The following UIMC1 variants were observed in gnomAD, a reference collection of about 807,000 sequenced individuals.
UIMC1 encodes ubiquitin interaction motif containing 1, also known as BRCA1-A complex subunit RAP80.
A neutral mutation model predicts 84.9 loss-of-function variants in UIMC1; 42 were observed. The ratio of observed to expected loss-of-function variants is 0.49; its 90% CI spans 0.39 to 0.64. The LOEUF (loss-of-function observed/expected upper bound fraction) is 0.64, where lower values mean the gene tolerates loss of function less well. UIMC1 is among the 30% of genes least tolerant of loss of function. The pLI, the probability that UIMC1 is intolerant of heterozygous loss-of-function variation, is 0.00. For synonymous variants in UIMC1, 281 were observed against 293.0 expected (o/e 0.96, Z 0.42); for missense variants, 825 against 847.6 (o/e 0.97, Z 0.33).
intron 5 of UIMC1, 21 bp downstream of exon 5, chr5:176,969,580 A>T: frequency 6.2e-7 from 1 of 1,605,722 alleles, no homozygotes; most frequent in South Asian, 1.1e-5. Flanking sequence ...GAATGGAAGG[A>T]GTCAGAACAG....
rs542762144 is a variant in UIMC1 at position 177,018,641 on chromosome 5, C to A, written c.-9+3823G>T. 2.6e-5 allele frequency among the ~76,000 whole-genome samples: 4 copies of A among 152,288 alleles called. No homozygotes were observed. In the East Asian group the frequency reaches 7.7e-4, roughly 29 times the overall value. On this transcript the variant is annotated intron_variant, in intron 1 of 5. Transcript: ENST00000509236. Reference sequence around the variant, plus strand: ...CCAGCCCAACAAATATAAGGCATCACCTGCACTGCCAGGTCCCAGCAAGGA... The same window carrying A: ...CCAGCCCAACAAATATAAGGCATCAACTGCACTGCCAGGTCCCAGCAAGGA...
chr5:176,923,546 T>C (rs1307980888), intron 10 of UIMC1, among the ~76,000 whole-genome samples: 1 of 141,258 alleles, frequency 7.1e-6, no homozygotes, highest in Non-Finnish European at 1.5e-5. Context: ...TGAGACTGTA[T>C]CAAAAGCAAA....
intron 6 of UIMC1, 35 bp from the exon 7 acceptor site, chr5:176,958,189 G>T (rs780295993): frequency 6.4e-7 from 1 of 1,570,618 alleles, no homozygotes; most frequent in Non-Finnish European, 8.7e-7. Context: ...AAATATACAG[G>T]CACAGGTGAA....
intron 4 of UIMC1, chr5:176,970,534 G>A (rs1769050886): frequency 2.9e-6 from 2 of 687,398 alleles, no homozygotes; most frequent in Non-Finnish European, 4.7e-6. Flanking sequence ...TGGGGTGGAA[G>A]AAAACTCTTT....
chr5:177,005,644 G>A (rs1775145124), intron 1 of UIMC1, among the ~76,000 whole-genome samples: 1 of 152,010 alleles, frequency 6.6e-6, no homozygotes, highest in Non-Finnish European at 1.5e-5. Context: ...GTAAAGGGCT[G>A]AGAGTTGAAG....
In UIMC1 at chr5:176,927,028, C is replaced by T. The variant is rs142797387; in HGVS notation, c.1598-15639G>A. On this transcript the variant is annotated intron_variant, in intron 10 of 14. Coordinates refer to ENST00000511320, the MANE Select transcript of UIMC1 (RefSeq NM_001199298.2). ...GAGTTACTGCATAAGCGCATACTGACTTGCAGAAAATAGTAGTAATAGCAG... is the reference window on the plus strand; with the variant it reads ...GAGTTACTGCATAAGCGCATACTGATTTGCAGAAAATAGTAGTAATAGCAG... Among the ~76,000 whole-genome samples the T allele has an allele frequency of 1.5e-4, 23 of 152,162 alleles. No individual in the cohort carries two copies. In the East Asian group the frequency reaches 4.3e-3, roughly 28 times the overall value.
intron 9 of UIMC1, among the ~76,000 whole-genome samples, chr5:176,950,146 C>T (rs183795291): frequency 0.024 from 3,289 of 135,462 alleles, 164 homozygotes; most frequent in African/African-American, 0.091. Flanking sequence ...TGTTGCCAGG[C>T]TGGAGTGCAG....
At chr5:176,992,418 C>G (rs954306418) in intron 1 of UIMC1, among the ~76,000 whole-genome samples, 1 of 149,318 alleles carries the variant, frequency 6.7e-6, no homozygotes, top group African/African-American at 2.5e-5. Context: ...AGAACTCAAG[C>G]GTTCAAGACG....
Position 177,021,025 on chromosome 5 carries a change from A to G in UIMC1, c.-9+1439T>C, listed in dbSNP as rs527536923. Among the ~76,000 whole-genome samples, 109 of 152,316 alleles carry G rather than the reference A, an allele frequency of 7.2e-4. 1 individual carries two copies. The highest frequency in any genetic ancestry group is 7.9e-4 in the Non-Finnish European group (54 of 68,016). ...CTACGCAAGGTGGCATGTGCCTGTAATCTCAGCATTTTGGGAGCCCGAGGC... is the reference window on the plus strand; with the variant it reads ...CTACGCAAGGTGGCATGTGCCTGTAGTCTCAGCATTTTGGGAGCCCGAGGC... On this transcript the variant is annotated intron_variant, in intron 1 of 5. Transcript: ENST00000509236.
intron 1 of UIMC1, among the ~76,000 whole-genome samples, chr5:176,991,684 G>C (rs1306994473): frequency 6.8e-6 from 1 of 147,982 alleles, no homozygotes; most frequent in Non-Finnish European, 1.5e-5. Context: ...TGTAATCTCA[G>C]CACTTTGAGA....
In UIMC1 at chr5:176,911,321, C is replaced by T; in HGVS notation, c.1666G>A (p.Asp556Asn). 6.3e-7 allele frequency: 1 copy of T among 1,598,278 alleles called. No homozygotes were observed. The highest frequency in any genetic ancestry group is 1.1e-5 in the South Asian group (1 of 87,956). ...AGCATACCTACTTACTTGTCAATGT[C>T]TAGAGAAGTCTGGGCAGCTGTCCCA... ...DSGTAAQTSL[D>N]IDKNEKCYLC... Residue 556 changes from aspartate to asparagine, a missense_variant, in exon 11 of 15, where the codon GAC becomes AAC. Coordinates refer to ENST00000511320, the MANE Select transcript of UIMC1 (RefSeq NM_001199298.2).
intron 9 of UIMC1, among the ~76,000 whole-genome samples, chr5:176,948,260 C>T (rs574370809): frequency 9.2e-5 from 14 of 152,212 alleles, no homozygotes; most frequent in Non-Finnish European, 1.6e-4. Flanking sequence ...GGACTACATA[C>T]AGTTATGCCA....
intron 1 of UIMC1, among the ~76,000 whole-genome samples, chr5:176,992,681 C>G (rs965599044): frequency 4.6e-5 from 7 of 151,846 alleles, no homozygotes; most frequent in African/African-American, 1.7e-4. Context: ...TGGCACACAC[C>G]TGTAGTTCCA....
rs949936341 is a variant in UIMC1 at position 176,938,153 on chromosome 5, G to T, written c.1597+5182C>A. On this transcript the variant is annotated intron_variant, in intron 10 of 14. Transcript: ENST00000511320. ...TGCAGTGAGCCATGATTCCACCACTGCCCTCCAGCCTGGGCTACAGAGTAA... is the reference window on the plus strand; with the variant it reads ...TGCAGTGAGCCATGATTCCACCACTTCCCTCCAGCCTGGGCTACAGAGTAA... 3.8e-5 allele frequency among the ~76,000 whole-genome samples: 5 copies of T among 130,460 alleles called. No homozygotes were observed. In the Admixed American group the frequency reaches 4.8e-4, roughly 13 times the overall value. The allele number at this position is 130,460 out of a possible 152,430, so 85.6% of individuals were successfully genotyped here. A position where few individuals can be genotyped will look rare whatever the true frequency, so the allele number is the denominator to read the frequency against.
intron 7 of UIMC1, among the ~76,000 whole-genome samples, chr5:176,957,039 C>G (rs1766697574): frequency 6.6e-6 from 1 of 152,150 alleles, no homozygotes; most frequent in African/African-American, 2.4e-5. Context: ...GATTCCAACT[C>G]TCTCCTGGTG....
Position 176,905,338 on chromosome 5 carries a change from G to A in UIMC1, c.2104C>T (p.Gln702Ter). ...TTGGTCCGTGTCCGACTACCTGGCT[G>A]GACAGTAACTTGCTTTTTAAAGTCC... Reference protein sequence around the residue: ...LVDFKKQVTVQPGSRTRTKAG... With the variant: ...LVDFKKQVTV The change falls in exon 15 of 15, where the codon CAG (glutamine) becomes TAG (stop). Residue 702 changes from glutamine (Q) to a stop codon, truncating the protein, a stop_gained. Transcript: ENST00000511320. LOFTEE classifies it high-confidence loss of function. 1 of 1,614,102 alleles carries A rather than the reference G, an allele frequency of 6.2e-7. No homozygotes were observed. The highest frequency in any genetic ancestry group is 8.5e-7 in the Non-Finnish European group (1 of 1,179,986).
At chr5:177,004,958 A>G (rs1775053188) in intron 1 of UIMC1, among the ~76,000 whole-genome samples, 1 of 152,182 alleles carries the variant, frequency 6.6e-6, no homozygotes, top group African/African-American at 2.4e-5. Flanking sequence ...GCTGGAGTGC[A>G]GTAGGGCAAT....
intron 13 of UIMC1, among the ~76,000 whole-genome samples, chr5:176,906,604 C>T (rs1029543804): frequency 1.6e-4 from 24 of 152,204 alleles, no homozygotes; most frequent in African/African-American, 5.8e-4. Flanking sequence ...TGGAGCTTTA[C>T]CAGATACAAT....
chr5:176,987,593 G>A (rs548370499), intron 1 of UIMC1, among the ~76,000 whole-genome samples: 3 of 152,212 alleles, frequency 2.0e-5, no homozygotes, highest in African/African-American at 7.2e-5. Flanking sequence ...AGAGGTTGCA[G>A]TGAGCCAAGA....
Sources: gnomAD v4.1 joint callset for allele counts (sites outside exome capture counted in the v4.1 genomes callset) on GRCh38, gnomAD v4.1.1 for gene constraint, MANE v1.5 for transcripts, NCBI Gene and HGNC (gene_info 2026-07-23, HGNC 2026-07-21) for gene names.